The following SMG1 variants were observed in gnomAD, a reference collection of about 807,000 sequenced individuals.
SMG1 encodes the protein serine/threonine-protein kinase SMG1.
In SMG1, 22 loss-of-function variants were observed where a neutral mutation model predicts 419.9. The ratio of observed to expected loss-of-function variants is 0.05; its 90% CI spans 0.04 to 0.07. SMG1 has a LOEUF of 0.07. Among genes scored for constraint, SMG1 ranks in the 10% least tolerant of loss-of-function variants. SMG1 has a pLI of 1.00. For synonymous variants in SMG1, 1,538 were observed against 1,553.5 expected, an observed-to-expected ratio of 0.99 and a Z score of 0.23; for missense variants, 3,185 against 4,342.0, an observed-to-expected ratio of 0.73 and a Z score of 7.49.
intron 1 of SMG1, among the ~76,000 whole-genome samples, chr16:18,921,626 T>C (rs576233564): frequency 5.9e-5 from 9 of 152,140 alleles, no homozygotes; most frequent in African/African-American, 1.9e-4. Context: ...ACCCACCTAA[T>C]AGGTATAAAA....
chr16:18,838,893 A>T (rs138990603), intron 42 of SMG1, among the ~76,000 whole-genome samples: 1 of 152,316 alleles, frequency 6.6e-6, no homozygotes, highest in East Asian at 1.9e-4. Context: ...GTCCTAGTTA[A>T]TCAGCTATCA....
In SMG1 at chr16:18,896,198, C is replaced by T. The variant is rs980892950; in HGVS notation, c.266G>A (p.Ser89Asn). 6.3e-5 allele frequency: 92 copies of T among 1,457,392 alleles called. No individual in the cohort carries two copies. The highest frequency in any genetic ancestry group is 2.4e-4 in the Middle Eastern group (1 of 4,186). The allele number at this position is 1,457,392 out of a possible 1,614,324, so 90.3% of individuals were successfully genotyped here. The change falls in exon 3 of 63, where the codon AGT (serine) becomes AAT (asparagine). Residue 89 changes from serine (S) to asparagine (N), a missense_variant. Ser to Asn is a conservative substitution (Grantham distance 46). Around this residue, in one of 27 missense-constraint regions of SMG1, gnomAD observed 42 missense variants for 100.1 expected, o/e 0.42. Transcript: ENST00000446231. Reference protein sequence around the residue: ...DIQNDEKGGYSVNGGSGENTY... With the variant: ...DIQNDEKGGYNVNGGSGENTY... ...ATTTTCCCCAGATCCTCCATTGACACTGTAGCCACCTACAAACAGCAATGT... is the reference window on the plus strand; with the variant it reads ...ATTTTCCCCAGATCCTCCATTGACATTGTAGCCACCTACAAACAGCAATGT...
intron 6 of SMG1, among the ~76,000 whole-genome samples, chr16:18,888,830 T>TC: frequency 6.7e-6 from 1 of 148,428 alleles, no homozygotes; most frequent in East Asian, 2.0e-4. Context: ...CTTTTTTTTT[T>TC]TTTTTTTTTT....
intron 1 of SMG1, chr16:18,899,922 C>T (rs527418821): frequency 4.9e-5 from 39 of 799,784 alleles, no homozygotes; most frequent in South Asian, 3.8e-4. Flanking sequence ...TTCCCCACAA[C>T]GATCAAACTG....
chr16:18,885,524 C>T lies in SMG1; in HGVS notation c.948+17G>A, dbSNP rs778041412. On this transcript the variant is annotated intron_variant, in intron 7 of 62. Coordinates refer to ENST00000446231, the MANE Select transcript of SMG1 (RefSeq NM_015092.5). Reference sequence around the variant, plus strand: ...CCCCCTCACCCCATGATCTGAAAAGCGGAATGAGGAACTCACCCTAAAATT... The same window carrying T: ...CCCCCTCACCCCATGATCTGAAAAGTGGAATGAGGAACTCACCCTAAAATT... 29 of 1,595,582 alleles carry T rather than the reference C, an allele frequency of 1.8e-5. 1 individual carries two copies. Among genetic ancestry groups the T allele is most frequent in the African/African-American group, 4.0e-5 (3 of 74,778 alleles).
intron 13 of SMG1, chr16:18,875,237 G>A (rs1231452212): frequency 6.6e-6 from 1 of 152,512 alleles, no homozygotes; most frequent in African/African-American, 2.4e-5. Flanking sequence ...TCAAATTTTG[G>A]AGCATTTTAG....
intron 1 of SMG1, among the ~76,000 whole-genome samples, chr16:18,919,848 T>G (rs1233730805): frequency 1.3e-5 from 2 of 152,006 alleles, no homozygotes; most frequent in Non-Finnish European, 2.9e-5. Context: ...ACTCCTGTAA[T>G]CCCAGCACTC....
At chr16:18,858,077 T>C in intron 29 of SMG1, 93 bp downstream of exon 29, 2 of 1,040,104 alleles carry the variant, frequency 1.9e-6, no homozygotes, top group Non-Finnish European at 2.7e-6. Context: ...CATCAAACCA[T>C]ACACTTAGAA....
At chr16:18,858,762 CT>C (rs2035053669) in intron 28 of SMG1, 1 of 366,142 alleles carries the variant, frequency 2.7e-6, no homozygotes, top group Non-Finnish European at 4.9e-6. Context: ...AAGGAACTGT[CT>C]TTACATACAC....
intron 3 of SMG1, among the ~76,000 whole-genome samples, chr16:18,895,167 A>G (rs2037066802): frequency 6.6e-6 from 1 of 152,168 alleles, no homozygotes; most frequent in Non-Finnish European, 1.5e-5. Flanking sequence ...CTACATCATA[A>G]GGCAGAAATG....
chr16:18,883,313 TATTC>T lies in SMG1; in HGVS notation c.1119+753_1119+756del, dbSNP rs1205009255. Among the ~76,000 whole-genome samples, 3 of 152,220 alleles carry T rather than the reference TATTC, an allele frequency of 2.0e-5. No individual in the cohort carries two copies. The East Asian group carries it at 5.8e-4, about 29-fold the overall frequency. ...CAGCGCTCTTAAAGCTCCTATGCTA[TATTC>T]GTACAGCCACAAAAGCTGGCTAAAG... is the stretch of plus-strand genomic sequence containing the variant. On this transcript the variant is annotated intron_variant, in intron 9 of 62. Coordinates refer to ENST00000446231, the MANE Select transcript of SMG1 (RefSeq NM_015092.5).
intron 3 of SMG1, among the ~76,000 whole-genome samples, chr16:18,895,337 G>T (rs542233237): frequency 6.6e-6 from 1 of 152,068 alleles, no homozygotes; most frequent in Admixed American, 6.5e-5. Flanking sequence ...AAATCAGCTG[G>T]GTGTGGTGGC....
chr16:18,890,247 C>T (rs986165697), intron 5 of SMG1, among the ~76,000 whole-genome samples: 1 of 152,164 alleles, frequency 6.6e-6, no homozygotes, highest in African/African-American at 2.4e-5. Flanking sequence ...CTCTAGTTTA[C>T]AAAAACTAAT....
At chr16:18,827,900 A>C (rs2032862678) in intron 55 of SMG1, 131 bp downstream of exon 55, 1 of 673,348 alleles carries the variant, frequency 1.5e-6, no homozygotes, top group Non-Finnish European at 2.1e-6. Flanking sequence ...AAAGTGAAAA[A>C]AATTATGCTC....
chr16:18,923,821 G>A (rs544119295), intron 1 of SMG1, among the ~76,000 whole-genome samples: 16 of 152,284 alleles, frequency 1.1e-4, no homozygotes, highest in African/African-American at 3.9e-4. Context: ...CGTTCTGTCA[G>A]TTACCTGGAG....
At chr16:18,923,685 A>G (rs892394373) in intron 1 of SMG1, among the ~76,000 whole-genome samples, 2 of 151,296 alleles carry the variant, frequency 1.3e-5, no homozygotes, top group Non-Finnish European at 2.9e-5. Flanking sequence ...CCAAAACACC[A>G]GGGACAAAAT....
chr16:18,820,022 G>A (rs1466877693), intron 55 of SMG1, among the ~76,000 whole-genome samples: 1 of 152,000 alleles, frequency 6.6e-6, no homozygotes. Context: ...TGGAGTTGCA[G>A]TGGTGCAATC....
At chr16:18,811,720 G>T in intron 62 of SMG1, 41 bp downstream of exon 62, 1 of 1,519,872 alleles carries the variant, frequency 6.6e-7, no homozygotes, top group Non-Finnish European at 9.1e-7. Flanking sequence ...TACTTTTCCA[G>T]CAGCATTAAA....
At chr16:18,846,821 G>GT (rs2034294554) in intron 38 of SMG1, among the ~76,000 whole-genome samples, 1 of 152,206 alleles carries the variant, frequency 6.6e-6, no homozygotes, top group Admixed American at 6.5e-5. Context: ...TGGCTCCTCA[G>GT]TAAGTCAGAC....
Sources: gnomAD v4.1 joint callset for allele counts (sites outside exome capture counted in the v4.1 genomes callset) on GRCh38, gnomAD v4.1.1 for gene constraint, gnomAD v4.1.1 regional missense constraint, MANE v1.5 for transcripts, NCBI Gene and HGNC (gene_info 2026-07-23, HGNC 2026-07-21) for gene names.